Variants in PRDM5 observed in about 807,000 individuals in gnomAD.
PRDM5 encodes the protein PR/SET domain 5.
In PRDM5, 56 loss-of-function variants were observed where a neutral mutation model predicts 81.2. That is an observed-to-expected ratio of 0.69 (90% CI 0.56 to 0.86). PRDM5 has a LOEUF of 0.86. Ranked by LOEUF, PRDM5 falls within the 40% of genes least tolerant of loss-of-function variation. The pLI, the probability that PRDM5 is intolerant of heterozygous loss-of-function variation, is 0.00. For synonymous variants in PRDM5, 267 were observed against 256.4 expected (o/e 1.04, Z -0.39); for missense variants, 697 against 770.1 (o/e 0.91, Z 1.12).
At chr4:120,803,150 T>C in intron 8 of PRDM5, among the ~76,000 whole-genome samples, 1 of 151,792 alleles carries the variant, frequency 6.6e-6, no homozygotes, top group South Asian at 2.1e-4. Flanking sequence ...GAAGGAAAGT[T>C]TAGAGAAAAA....
At chr4:120,898,000 A>AT (rs752198985) in intron 2 of PRDM5, among the ~76,000 whole-genome samples, 21 of 152,162 alleles carry the variant, frequency 1.4e-4, no homozygotes, top group Non-Finnish European at 2.9e-4. Flanking sequence ...ATGTCTAGTC[A>AT]TTTTTTATAA....
At chr4:120,823,920 G>C (rs1398255601) in intron 3 of PRDM5, among the ~76,000 whole-genome samples, 1 of 152,140 alleles carries the variant, frequency 6.6e-6, no homozygotes, top group African/African-American at 2.4e-5. Flanking sequence ...TAATGAATGA[G>C]TTCTTCCTCT....
At chr4:120,725,447 C>T (rs1348373790) in intron 14 of PRDM5, among the ~76,000 whole-genome samples, 1 of 152,170 alleles carries the variant, frequency 6.6e-6, no homozygotes, top group Non-Finnish European at 1.5e-5. Flanking sequence ...CTACTGTCAT[C>T]AGTAGTAACC....
At chr4:120,818,271 C>CAG (rs1337758748) in intron 5 of PRDM5, 82 bp downstream of exon 5, 6 of 1,468,154 alleles carry the variant, frequency 4.1e-6, no homozygotes, top group Non-Finnish European at 5.7e-6. Context: ...CACACACACA[C>CAG]AGGTTAAAAA....
rs192000921 is a variant in PRDM5 at position 120,808,470 on chromosome 4, T to C, written c.945+2900A>G. On this transcript the variant is annotated intron_variant, in intron 8 of 15. Transcript: ENST00000264808. ...CCTTGAACTAGATACAGAGTACCAATTGGTGTATTTACAATCCCTTAGCTA... is the reference window on the plus strand; with the variant it reads ...CCTTGAACTAGATACAGAGTACCAACTGGTGTATTTACAATCCCTTAGCTA... Among the ~76,000 whole-genome samples, 9 of 152,224 alleles carry C rather than the reference T, an allele frequency of 5.9e-5. No individual in the cohort carries two copies. The East Asian group carries it at 9.7e-4, about 16-fold the overall frequency.
At chr4:120,876,675 G>A (rs1762360026) in intron 2 of PRDM5, among the ~76,000 whole-genome samples, 1 of 151,970 alleles carries the variant, frequency 6.6e-6, no homozygotes, top group Non-Finnish European at 1.5e-5. Flanking sequence ...TATATTCCAG[G>A]GTGAAATTAA....
chr4:120,879,143 A>T (rs1334773399), intron 2 of PRDM5, among the ~76,000 whole-genome samples: 8 of 152,328 alleles, frequency 5.3e-5, no homozygotes, highest in African/African-American at 1.9e-4. Context: ...AGCAATCAAA[A>T]TGTCCCTCAA....
At chr4:120,728,332 AT>A (rs1204892431) in intron 14 of PRDM5, among the ~76,000 whole-genome samples, 1 of 152,144 alleles carries the variant, frequency 6.6e-6, no homozygotes, top group African/African-American at 2.4e-5. Flanking sequence ...GCATTTGGTG[AT>A]GAAAATGTAT....
intron 1 of PRDM5, among the ~76,000 whole-genome samples, chr4:120,917,953 C>T (rs17051279): frequency 6.6e-6 from 1 of 152,094 alleles, no homozygotes; most frequent in African/African-American, 2.4e-5. Context: ...AACATCACCT[C>T]TCTCATCTAT....
intron 3 of PRDM5, among the ~76,000 whole-genome samples, chr4:120,826,575 G>A (rs1408362976): frequency 6.6e-6 from 1 of 152,048 alleles, no homozygotes; most frequent in Non-Finnish European, 1.5e-5. Flanking sequence ...CATAATACTT[G>A]CTCAATATTT....
chr4:120,806,295 T>C (rs1752915484), intron 8 of PRDM5, among the ~76,000 whole-genome samples: 1 of 152,224 alleles, frequency 6.6e-6, no homozygotes, highest in African/African-American at 2.4e-5. Flanking sequence ...CTAGATTCAA[T>C]GCCATCCCTA....
At position 120,872,771 on chromosome 4, in the gene PRDM5, A is replaced by G. The variant is rs147152618; in HGVS notation, c.178-19231T>C. 5.1e-3 allele frequency among the ~76,000 whole-genome samples: 779 copies of G among 152,142 alleles called. 11 individuals carry two copies. The highest frequency in any genetic ancestry group is 0.018 in the African/African-American group (754 of 41,518). ...CCTGTCTCTAAAAAAATAAATAACTAAAGTAGTCAAATTCCTAGAATTTGA... is the reference window on the plus strand; with the variant it reads ...CCTGTCTCTAAAAAAATAAATAACTGAAGTAGTCAAATTCCTAGAATTTGA... On this transcript the variant is annotated intron_variant, in intron 2 of 15. Transcript: ENST00000264808.
chr4:120,733,955 T>C lies in PRDM5; in HGVS notation c.1623+20598A>G, dbSNP rs1740661912. ...TTAATGTACCAGTAAAGTATGCCGATGGCAGAGGTGGCAGGGAAGAATGTA... is the reference window on the plus strand; with the variant it reads ...TTAATGTACCAGTAAAGTATGCCGACGGCAGAGGTGGCAGGGAAGAATGTA... On this transcript the variant is annotated intron_variant, in intron 14 of 15. Coordinates refer to ENST00000264808, the MANE Select transcript of PRDM5 (RefSeq NM_018699.4). 2.0e-5 allele frequency among the ~76,000 whole-genome samples: 3 copies of C among 150,150 alleles called. No homozygotes were observed. The South Asian group carries it at 6.3e-4, about 31-fold the overall frequency.
chr4:120,919,225 C>T (rs1724593052), intron 1 of PRDM5, among the ~76,000 whole-genome samples: 2 of 152,292 alleles, frequency 1.3e-5, no homozygotes, highest in Admixed American at 1.3e-4. Flanking sequence ...ACACTTGCCT[C>T]AATCATTTTG....
chr4:120,813,825 A>T (rs1379325226), intron 7 of PRDM5, among the ~76,000 whole-genome samples: 1 of 152,072 alleles, frequency 6.6e-6, no homozygotes, highest in Non-Finnish European at 1.5e-5. Flanking sequence ...CCCTCATAGC[A>T]ACTACTCCTT....
chr4:120,779,166 A>G (rs1203382656), intron 12 of PRDM5, among the ~76,000 whole-genome samples: 4 of 152,292 alleles, frequency 2.6e-5, no homozygotes, highest in African/African-American at 9.6e-5. Flanking sequence ...AATGAAAAAA[A>G]TTAAAATATT....
chr4:120,758,502 G>A (rs1441900061), intron 13 of PRDM5, among the ~76,000 whole-genome samples: 1 of 152,118 alleles, frequency 6.6e-6, no homozygotes, highest in Admixed American at 6.6e-5. Context: ...ATGGCCTTGT[G>A]AAGACAGAGA....
intron 14 of PRDM5, among the ~76,000 whole-genome samples, chr4:120,739,374 C>T (rs1196398847): frequency 2.0e-5 from 3 of 152,166 alleles, no homozygotes; most frequent in Non-Finnish European, 4.4e-5. Flanking sequence ...CCTTACTACA[C>T]CATTATTCCA....
At chr4:120,829,036 A>T (rs926365872) in intron 3 of PRDM5, among the ~76,000 whole-genome samples, 4 of 152,092 alleles carry the variant, frequency 2.6e-5, no homozygotes, top group Non-Finnish European at 5.9e-5. Flanking sequence ...AAAAGTACAT[A>T]TAGAGGCTGA....
Sources: gnomAD v4.1 joint callset for allele counts (sites outside exome capture counted in the v4.1 genomes callset) on GRCh38, gnomAD v4.1.1 for gene constraint, MANE v1.5 for transcripts, NCBI Gene and HGNC (gene_info 2026-07-23, HGNC 2026-07-21) for gene names.